RGS6: variants seen among roughly 807,000 people sequenced by gnomAD.
RGS6 encodes the protein regulator of G protein signaling 6, also known as regulator of G-protein signaling 6.
In RGS6, 30 loss-of-function variants were observed where a neutral mutation model predicts 78.5. The ratio of observed to expected loss-of-function variants is 0.38; its 90% confidence interval spans 0.29 to 0.52. RGS6 has a LOEUF of 0.52. RGS6 is among the 20% of genes least tolerant of loss of function. The pLI is 0.85. For synonymous variants in RGS6, 206 were observed against 206.0 expected, an observed-to-expected ratio of 1.00 and a Z score of 0.00; for missense variants, 495 against 609.7, an observed-to-expected ratio of 0.81 and a Z score of 1.98.
At chr14:72,309,697 G>T (rs991720316) in intron 2 of RGS6, among the ~76,000 whole-genome samples, 1 of 152,202 alleles carries the variant, frequency 6.6e-6, no homozygotes, top group African/African-American at 2.4e-5. Context: ...TTTAAGCTCT[G>T]TGCTCTTTTA....
intron 3 of RGS6, among the ~76,000 whole-genome samples, chr14:72,352,496 C>A (rs949478833): frequency 1.3e-5 from 2 of 152,116 alleles, no homozygotes; most frequent in Non-Finnish European, 2.9e-5. Flanking sequence ...TACACACAAG[C>A]ACAGAAATAT....
chr14:72,000,197 G>A (rs769995281), intron 2 of RGS6, among the ~76,000 whole-genome samples: 7 of 152,196 alleles, frequency 4.6e-5, no homozygotes, highest in Non-Finnish European at 1.0e-4. Flanking sequence ...GATACAGCCA[G>A]CAAGAATTCG....
At chr14:72,206,507 C>A (rs922718589) in intron 2 of RGS6, among the ~76,000 whole-genome samples, 4 of 152,006 alleles carry the variant, frequency 2.6e-5, no homozygotes, top group African/African-American at 9.7e-5. Context: ...TGTTTTCATG[C>A]TGCTAATACC....
At chr14:72,375,322 T>C (rs2084420972) in intron 3 of RGS6, among the ~76,000 whole-genome samples, 1 of 152,174 alleles carries the variant, frequency 6.6e-6, no homozygotes. Context: ...CAAATCTATA[T>C]CTAGCTACAT....
At chr14:72,085,983 TTCC>T (rs1256206550) in intron 2 of RGS6, among the ~76,000 whole-genome samples, 1 of 152,084 alleles carries the variant, frequency 6.6e-6, no homozygotes, top group Non-Finnish European at 1.5e-5. Flanking sequence ...TTCCCTGGAC[TTCC>T]TCCTATTCAT....
intron 3 of RGS6, among the ~76,000 whole-genome samples, chr14:72,424,204 A>G (rs115880472): frequency 0.012 from 1,781 of 152,280 alleles, 37 homozygotes; most frequent in African/African-American, 0.041. Flanking sequence ...CAGGCCAAGT[A>G]TTCTGTCCTA....
chr14:72,373,276 G>A (rs1596385182), intron 3 of RGS6, among the ~76,000 whole-genome samples: 1 of 152,184 alleles, frequency 6.6e-6, no homozygotes, highest in Admixed American at 6.5e-5. Context: ...ACCTCATCGA[G>A]TTCATATTGT....
chr14:72,244,825 G>T (rs964757764), intron 2 of RGS6, among the ~76,000 whole-genome samples: 1 of 41,816 alleles, frequency 2.4e-5, no homozygotes. Context: ...ACTAAAAATT[G>T]GTCTTTTTTT....
At chr14:71,970,938 A>T (rs1370618642) in intron 2 of RGS6, among the ~76,000 whole-genome samples, 1 of 152,174 alleles carries the variant, frequency 6.6e-6, no homozygotes, top group African/African-American at 2.4e-5. Context: ...GGAATTAACC[A>T]GATGGAGGAG....
intron 2 of RGS6, among the ~76,000 whole-genome samples, chr14:72,161,624 G>A (rs911173652): frequency 5.9e-5 from 9 of 152,182 alleles, no homozygotes; most frequent in African/African-American, 2.2e-4. Context: ...AGACACTGTG[G>A]TGAGGTTATT....
chr14:72,344,112 A>G (rs149220631), intron 2 of RGS6, among the ~76,000 whole-genome samples: 2 of 152,126 alleles, frequency 1.3e-5, no homozygotes, highest in African/African-American at 2.4e-5. Context: ...CAGGGGAAAG[A>G]CATTTTCCCT....
intron 1 of RGS6, among the ~76,000 whole-genome samples, chr14:71,948,882 CTT>C (rs1706501438): frequency 6.6e-6 from 1 of 151,262 alleles, no homozygotes; most frequent in Admixed American, 6.6e-5. Context: ...AACACTGTAA[CTT>C]TCTCTTTTTT....
At chr14:72,298,963 C>G (rs573816035) in intron 2 of RGS6, among the ~76,000 whole-genome samples, 7 of 152,158 alleles carry the variant, frequency 4.6e-5, no homozygotes, top group African/African-American at 1.7e-4. Flanking sequence ...TTAATTGACA[C>G]AGGGCTATTC....
intron 2 of RGS6, among the ~76,000 whole-genome samples, chr14:72,001,231 G>A (rs1217663766): frequency 6.6e-6 from 1 of 151,032 alleles, no homozygotes; most frequent in Non-Finnish European, 1.5e-5. Flanking sequence ...TCATTCAGTG[G>A]GAAACAATGA....
chr14:72,487,993 G>A (rs982546790), intron 12 of RGS6, among the ~76,000 whole-genome samples: 1 of 152,130 alleles, frequency 6.6e-6, no homozygotes, highest in Non-Finnish European at 1.5e-5. Context: ...ATACGTGTAT[G>A]TCTCATTCTG....
chr14:72,508,198 G>A (rs10130799), intron 13 of RGS6, among the ~76,000 whole-genome samples: 2,066 of 152,236 alleles, frequency 0.014, 43 homozygotes, highest in African/African-American at 0.047. Flanking sequence ...CTGACCTCCA[G>A]GCTCATGATC....
chr14:72,352,277 G>A (rs1310921411), intron 3 of RGS6, 83 bp downstream of exon 3: 3 of 874,426 alleles, frequency 3.4e-6, no homozygotes, highest in African/African-American at 1.7e-5. Context: ...AGGGGTGTCT[G>A]AAGATCTGTG....
At chr14:72,556,617 A>G (rs1284715041) in intron 17 of RGS6, among the ~76,000 whole-genome samples, 1 of 116,928 alleles carries the variant, frequency 8.6e-6, no homozygotes, top group Non-Finnish European at 1.6e-5. Context: ...TACCAGGCAG[A>G]GCCTGAGTGT....
intron 2 of RGS6, among the ~76,000 whole-genome samples, chr14:72,061,561 T>C (rs960346257): frequency 1.1e-4 from 16 of 152,076 alleles, no homozygotes; most frequent in African/African-American, 3.9e-4. Flanking sequence ...TGGTTTCAAC[T>C]GGAAAAGTAA....
Sources: allele counts gnomAD v4.1 joint callset (sites outside exome capture counted in the v4.1 genomes callset), GRCh38; gene constraint gnomAD v4.1.1; transcripts MANE v1.5; gene names NCBI Gene and HGNC (gene_info 2026-07-23, HGNC 2026-07-21).